The following RYR2 variants were observed in gnomAD, a reference collection of about 807,000 sequenced individuals.
The protein encoded by RYR2 is ryanodine receptor 2, also known as cardiac muscle ryanodine receptor-calcium release channel.
RYR2 carries 227 observed loss-of-function variants against 601.1 expected under a neutral mutation model. The ratio of observed to expected loss-of-function variants is 0.38; its 90% CI spans 0.34 to 0.42. The LOEUF (loss-of-function observed/expected upper bound fraction) is 0.42. Ranked by LOEUF, RYR2 falls within the 10% of genes least tolerant of loss-of-function variation. RYR2 has a pLI of 1.00. For synonymous variants in RYR2, 2,223 were observed against 2,175.1 expected, an observed-to-expected ratio of 1.02 and a Z score of -0.61; for missense variants, 4,646 against 6,156.5, an observed-to-expected ratio of 0.75 and a Z score of 8.21.
rs746143875 is a variant in RYR2, at chr1:237,469,095, C to T, written c.1616C>T (p.Ala539Val). The change falls in exon 17 of 105, where the codon GCT becomes GTT. Residue 539 changes from alanine to valine, a missense_variant. By Grantham distance (64) the Ala-to-Val change is moderately conservative (BLOSUM62 0). This residue lies in a region of RYR2 where 1,807 missense variants were observed against 2,088.1 expected (regional missense o/e 0.87). Transcript: ENST00000366574. The stretch of plus-strand genomic sequence containing the variant: ...AAATCTATTTCTTCTTTTGCAGCGG[C>T]TCTAATTAGAGGAAATCGTAAAAAC... ...ILNSLYELLA[A>V]LIRGNRKNCA... 6.2e-7 allele frequency: 1 copy of T among 1,612,518 alleles called. No homozygotes were observed. The highest frequency in any genetic ancestry group is 1.1e-5 in the South Asian group (1 of 90,996).
At chr1:237,085,070 T>C (rs1210977066) in intron 1 of RYR2, among the ~76,000 whole-genome samples, 6 of 152,200 alleles carry the variant, frequency 3.9e-5, no homozygotes, top group African/African-American at 1.4e-4. Context: ...TACTCAAGGG[T>C]GTGATTGCCG....
At chr1:237,341,669 G>T in intron 3 of RYR2, 1 of 515,868 alleles carries the variant, frequency 1.9e-6, no homozygotes, top group South Asian at 1.4e-5. Context: ...TTGCTGACTG[G>T]AGGGACTGCA....
chr1:237,397,867 AC>A, intron 10 of RYR2, among the ~76,000 whole-genome samples: 1 of 151,754 alleles, frequency 6.6e-6, no homozygotes, highest in Non-Finnish European at 1.5e-5. Flanking sequence ...GACTACAGGC[AC>A]CCACCACCAC....
intron 4 of RYR2, among the ~76,000 whole-genome samples, chr1:237,359,311 A>C (rs1311516174): frequency 6.6e-6 from 1 of 152,212 alleles, no homozygotes; most frequent in African/African-American, 2.4e-5. Flanking sequence ...ATGGGTAATC[A>C]AAATACAGTT....
At chr1:237,124,060 G>C (rs932519726) in intron 1 of RYR2, among the ~76,000 whole-genome samples, 2 of 152,172 alleles carry the variant, frequency 1.3e-5, no homozygotes, top group Non-Finnish European at 2.9e-5. Flanking sequence ...ATGATGTCAA[G>C]TGAAATACTT....
rs567753924 is a variant in RYR2 at position 237,506,546 on chromosome 1, A to C, written c.2614-164A>C. On this transcript the variant is annotated intron_variant, in intron 22 of 104. Coordinates refer to ENST00000366574, the MANE Select transcript of RYR2 (RefSeq NM_001035.3). ...GAGTGAGACTCCGTCTCAAGGGGAA[A>C]AAAAAAAAAAAAGAATGTCGTGAAA... is the stretch of plus-strand genomic sequence containing the variant. Among the ~76,000 whole-genome samples the C allele has an allele frequency of 4.3e-3, 655 of 151,478 alleles. 15 individuals carry two copies. The highest frequency in any genetic ancestry group is 0.039 in the East Asian group (200 of 5,168).
chr1:237,260,482 C>T (rs1240641788), intron 1 of RYR2, among the ~76,000 whole-genome samples: 1 of 152,158 alleles, frequency 6.6e-6, no homozygotes, highest in East Asian at 1.9e-4. Context: ...GCTTATTCCA[C>T]TGGGACAGTT....
chr1:237,376,397 G>A (rs1409826203), intron 7 of RYR2, among the ~76,000 whole-genome samples: 3 of 152,098 alleles, frequency 2.0e-5, no homozygotes, highest in African/African-American at 4.8e-5. Flanking sequence ...AGAAACCTCA[G>A]TAAACAAAAC....
chr1:237,634,869 A>G lies in RYR2; in HGVS notation c.6689-20A>G. On this transcript the variant is annotated intron_variant, in intron 43 of 104. Coordinates refer to ENST00000366574, the MANE Select transcript of RYR2 (RefSeq NM_001035.3). ...TACAGCACGATCCAGGTTATATTTC[A>G]TCTTCATTTGAATTAATAGCCTCCC... 3 of 1,574,644 alleles carry G rather than the reference A, an allele frequency of 1.9e-6. No homozygotes were observed. The highest frequency in any genetic ancestry group is 1.8e-5 in the Admixed American group (1 of 55,802).
At chr1:237,653,282 G>A (rs939325244) in intron 51 of RYR2, among the ~76,000 whole-genome samples, 6 of 152,186 alleles carry the variant, frequency 3.9e-5, no homozygotes, top group African/African-American at 1.4e-4. Flanking sequence ...TAAGTTTTGT[G>A]GCAAGCCATA....
intron 17 of RYR2, among the ~76,000 whole-genome samples, chr1:237,477,240 A>C (rs1661513259): frequency 6.6e-6 from 1 of 152,118 alleles, no homozygotes; most frequent in East Asian, 1.9e-4. Flanking sequence ...CAAATATAAA[A>C]ATAAGCTGGG....
At chr1:237,314,247 T>C (rs888090920) in intron 2 of RYR2, among the ~76,000 whole-genome samples, 1 of 151,626 alleles carries the variant, frequency 6.6e-6, no homozygotes, top group South Asian at 2.1e-4. Context: ...TGTATTTTTA[T>C]TAGAGACAGG....
At chr1:237,715,654 C>T (rs1019780431) in intron 71 of RYR2, among the ~76,000 whole-genome samples, 1 of 152,072 alleles carries the variant, frequency 6.6e-6, no homozygotes, top group Non-Finnish European at 1.5e-5. Flanking sequence ...TCAATGAAAA[C>T]TCTAACACCA....
At chr1:237,155,737 G>A (rs1266507358) in intron 1 of RYR2, among the ~76,000 whole-genome samples, 4 of 152,214 alleles carry the variant, frequency 2.6e-5, no homozygotes, top group South Asian at 4.2e-4. Flanking sequence ...TGGGATGAAT[G>A]GGAATGGCTA....
chr1:237,447,252 A>G lies in RYR2; in HGVS notation c.1292+1730A>G, dbSNP rs565605052. Among the ~76,000 whole-genome samples the G allele has an allele frequency of 2.0e-5, 3 of 152,334 alleles. No individual in the cohort carries two copies. In the East Asian group the frequency reaches 5.8e-4, roughly 29 times the overall value. ...GTGGGAAAGCTACTATCTCAGTGTT[A>G]TAGACATAATGTAGTGCTAGTATAC... On this transcript the variant is annotated intron_variant, in intron 14 of 104. Coordinates refer to ENST00000366574, the MANE Select transcript of RYR2 (RefSeq NM_001035.3).
intron 2 of RYR2, among the ~76,000 whole-genome samples, chr1:237,318,086 C>CT (rs1303898038): frequency 1.3e-5 from 2 of 151,984 alleles, no homozygotes; most frequent in Non-Finnish European, 2.9e-5. Flanking sequence ...CTGTTGATTT[C>CT]TTTACTATGT....
At chr1:237,392,182 T>A (rs1490923424) in intron 10 of RYR2, among the ~76,000 whole-genome samples, 2 of 152,120 alleles carry the variant, frequency 1.3e-5, no homozygotes, top group Admixed American at 1.3e-4. Context: ...GAGAAGCAAG[T>A]CTGGTAGTTG....
chr1:237,650,843 A>T (rs1322060993), intron 50 of RYR2, among the ~76,000 whole-genome samples: 1 of 152,208 alleles, frequency 6.6e-6, no homozygotes, highest in African/African-American at 2.4e-5. Context: ...GTAATTCTTT[A>T]ACTTCCCTAA....
chr1:237,485,694 G>A (rs913217162), intron 17 of RYR2, among the ~76,000 whole-genome samples: 1 of 152,128 alleles, frequency 6.6e-6, no homozygotes, highest in Non-Finnish European at 1.5e-5. Flanking sequence ...CCCATTCCTT[G>A]GAACAGTGCC....
Sources: gnomAD v4.1 joint callset for allele counts (sites outside exome capture counted in the v4.1 genomes callset) on GRCh38, gnomAD v4.1.1 for gene constraint, gnomAD v4.1.1 regional missense constraint, MANE v1.5 for transcripts, NCBI Gene and HGNC (gene_info 2026-07-23, HGNC 2026-07-21) for gene names.